The following GUCY1A1 variants were observed in gnomAD, a reference collection of about 807,000 sequenced individuals.
GUCY1A1 encodes the protein guanylate cyclase 1 soluble subunit alpha 1.
GUCY1A1 carries 48 observed loss-of-function variants against 64.5 expected under a neutral mutation model. The ratio of observed to expected loss-of-function variants is 0.74; its 90% CI spans 0.59 to 0.95. The LOEUF is 0.95. Among genes scored for constraint, GUCY1A1 ranks in the 40% least tolerant of loss-of-function variants. GUCY1A1 has a pLI of 0.00. For synonymous variants in GUCY1A1, 308 were observed against 303.4 expected (o/e 1.02, Z -0.16); for missense variants, 804 against 825.3 (o/e 0.97, Z 0.32).
chr4:155,698,591 A>G (rs1243532151), intron 3 of GUCY1A1, among the ~76,000 whole-genome samples: 1 of 152,156 alleles, frequency 6.6e-6, no homozygotes, highest in Non-Finnish European at 1.5e-5. Flanking sequence ...AATTTCTGCA[A>G]TGGAAGTCAT....
chr4:155,725,130 T>C (rs1734488998), intron 9 of GUCY1A1, among the ~76,000 whole-genome samples: 1 of 152,124 alleles, frequency 6.6e-6, no homozygotes, highest in Non-Finnish European at 1.5e-5. Context: ...GAAATTGTCT[T>C]ATGCAGTATT....
In GUCY1A1 at chr4:155,733,489, G is replaced by C. The variant is rs1034560847; in HGVS notation, c.*3258G>C. ...GGGTATGTGTGTCATGTAAAGGTGT[G>C]CCATGATAGTTATTCATATTGCTAT... On this transcript the variant is annotated 3_prime_UTR_variant, in exon 10 of 10. Coordinates refer to ENST00000506455, the MANE Select transcript of GUCY1A1 (RefSeq NM_001130682.3). Among the ~76,000 whole-genome samples the C allele has an allele frequency of 6.6e-6, 1 of 151,676 alleles. No individual in the cohort carries two copies. The highest frequency in any genetic ancestry group is 2.0e-4 in the East Asian group (1 of 5,124).
In GUCY1A1 at chr4:155,711,188, G is replaced by A. The variant is rs756740542; in HGVS notation, c.1023G>A (p.Met341Ile). 2.7e-5 allele frequency: 43 copies of A among 1,613,600 alleles called. No individual in the cohort carries two copies. Among genetic ancestry groups the A allele is most frequent in the Admixed American group, 3.3e-5 (2 of 60,000 alleles). ...AGACGTTTAGCGGGATCATGACTAT[G>A]TTGAATATGCAGTTTGTTGTACGAG... is the stretch of plus-strand genomic sequence containing the variant. ...INQTFSGIMT[M>I]LNMQFVVRVR... The change falls in exon 6 of 10, where the codon ATG (methionine) becomes ATA (isoleucine). Residue 341 changes from methionine to isoleucine, a missense_variant. Coordinates refer to ENST00000506455, the MANE Select transcript of GUCY1A1 (RefSeq NM_001130682.3).
chr4:155,716,727 A>C (rs1197024416), intron 7 of GUCY1A1, among the ~76,000 whole-genome samples: 1 of 152,178 alleles, frequency 6.6e-6, no homozygotes, highest in African/African-American at 2.4e-5. Context: ...TGTGACATTT[A>C]TTGAGTAGTG....
intron 2 of GUCY1A1, among the ~76,000 whole-genome samples, chr4:155,680,124 A>G (rs1735525012): frequency 6.6e-6 from 1 of 152,222 alleles, no homozygotes; most frequent in Non-Finnish European, 1.5e-5. Flanking sequence ...CATTGAATCT[A>G]TAAACCAGTT....
chr4:155,718,666 G>A (rs894528242), intron 8 of GUCY1A1, among the ~76,000 whole-genome samples: 38 of 152,096 alleles, frequency 2.5e-4, no homozygotes, highest in African/African-American at 8.9e-4. Flanking sequence ...GGTTCAGCTG[G>A]GATTGTTAGC....
At chr4:155,707,863 T>G (rs1451437430) in intron 4 of GUCY1A1, among the ~76,000 whole-genome samples, 7 of 150,782 alleles carry the variant, frequency 4.6e-5, no homozygotes. Flanking sequence ...ACAGTTTCCC[T>G]GTGTTGGCCA....
rs1344684766 is a variant in GUCY1A1, at chr4:155,730,364, C to T, written c.*133C>T. ...TTTCAGGAGCCAAGTCACAATCTTT[C>T]TCCTGTTTAACATGACAAAATGTAT... On this transcript the variant is annotated 3_prime_UTR_variant, in exon 10 of 10. Coordinates refer to ENST00000506455, the MANE Select transcript of GUCY1A1 (RefSeq NM_001130682.3). 1.8e-6 allele frequency: 1 copy of T among 550,454 alleles called. No homozygotes were observed. Among genetic ancestry groups the T allele is most frequent in the Non-Finnish European group, 3.2e-6 (1 of 315,474 alleles). The allele number at this position is 550,454 out of a possible 1,614,324, so 34.1% of individuals were successfully genotyped here.
chr4:155,687,999 G>T (rs570885140), intron 2 of GUCY1A1, among the ~76,000 whole-genome samples: 1 of 151,928 alleles, frequency 6.6e-6, no homozygotes, highest in East Asian at 1.9e-4. Context: ...CGAAGTGGGC[G>T]GATCATGAGG....
chr4:155,713,197 C>T lies in GUCY1A1; in HGVS notation c.1186C>T (p.Arg396Ter), dbSNP rs779463762. The T allele has an allele frequency of 6.2e-6, 10 of 1,613,862 alleles. No homozygotes were observed. Among genetic ancestry groups the T allele is most frequent in the Admixed American group, 3.3e-5 (2 of 60,002 alleles). Residue 396 changes from arginine to a stop codon, truncating the protein, a stop_gained, in exon 7 of 10, where the codon CGA becomes TGA. Transcript: ENST00000506455. LOFTEE classifies it high-confidence loss of function. ...GGACAGATTAGAAGATTTTACAGGA[C>T]GAGGGCTCTACCTCTCAGACATCCC... ...CVDRLEDFTG[R>*]GLYLSDIPIH...
intron 5 of GUCY1A1, among the ~76,000 whole-genome samples, chr4:155,709,331 A>G (rs1199336628): frequency 6.6e-6 from 1 of 150,508 alleles, no homozygotes; most frequent in African/African-American, 2.4e-5. Context: ...CACCATACCC[A>G]CCCTCCTTTG....
intron 2 of GUCY1A1, among the ~76,000 whole-genome samples, chr4:155,672,102 G>T (rs138847158): frequency 1.3e-5 from 2 of 150,518 alleles, no homozygotes; most frequent in African/African-American, 4.9e-5. Context: ...TTTCCCCATC[G>T]AATTTTATGT....
rs1735477839 is a variant in GUCY1A1, at chr4:155,730,965, T to G, written c.*734T>G. ...CAATGGTAAAAGCTATTTTAATCCA[T>G]GTTAGCAATTTAATTCCTATTAATT... is the stretch of plus-strand genomic sequence containing the variant. On this transcript the variant is annotated 3_prime_UTR_variant, in exon 10 of 10. Coordinates refer to ENST00000506455, the MANE Select transcript of GUCY1A1 (RefSeq NM_001130682.3). The G allele has an allele frequency of 6.5e-6, 1 of 153,434 alleles. No homozygotes were observed. Among genetic ancestry groups the G allele is most frequent in the Admixed American group, 6.6e-5 (1 of 15,190 alleles). The allele number at this position is 153,434 out of a possible 1,614,324, so 9.5% of individuals were successfully genotyped here.
chr4:155,715,874 T>G (rs1008180961), intron 7 of GUCY1A1, among the ~76,000 whole-genome samples: 19 of 152,138 alleles, frequency 1.2e-4, no homozygotes, highest in Non-Finnish European at 1.6e-4. Context: ...AAATTTATAG[T>G]ATTTAAGTCA....
At position 155,694,173 on chromosome 4, in the gene GUCY1A1, G is replaced by A. The variant is rs983946975; in HGVS notation, c.-112-2583G>A. 7.2e-5 allele frequency among the ~76,000 whole-genome samples: 11 copies of A among 152,192 alleles called. No homozygotes were observed. In the South Asian group the frequency reaches 1.5e-3, roughly 20 times the overall value. ...TTTCCCTGAAAATTAATACAAAATA[G>A]TGGTACTATTATTTGTATAAATAGT... On this transcript the variant is annotated intron_variant, in intron 2 of 9. Transcript: ENST00000506455.
chr4:155,689,726 A>C (rs904589714), intron 2 of GUCY1A1, among the ~76,000 whole-genome samples: 28 of 152,344 alleles, frequency 1.8e-4, no homozygotes, highest in African/African-American at 6.7e-4. Flanking sequence ...GATTTAATGC[A>C]GCTTATTAAA....
At position 155,708,283 on chromosome 4, in the gene GUCY1A1, C is replaced by A. The variant is rs896812919; in HGVS notation, c.365C>A (p.Ala122Glu). 3 of 1,533,654 alleles carry A rather than the reference C, an allele frequency of 2.0e-6. No individual in the cohort carries two copies. Among genetic ancestry groups the A allele is most frequent in the Non-Finnish European group, 2.7e-6 (3 of 1,107,844 alleles). ...TTTGAAAAAACAATTGCAGAGCAAG[C>A]AGTTGCAGCAGGTAATAGAATTGTT... ...EDFEKTIAEQ[A>E]VAAGVPVEVI... is the part of the protein sequence containing the mutation. Residue 122 changes from alanine to glutamate, a missense_variant, in exon 5 of 10, where the codon GCA (alanine) becomes GAA (glutamate). Physicochemically the swap from Ala to Glu is moderately radical, Grantham distance 107. Coordinates refer to ENST00000506455, the MANE Select transcript of GUCY1A1 (RefSeq NM_001130682.3).
rs1732830167 is a variant in GUCY1A1, at chr4:155,713,341, G to T, written c.1330G>T (p.Glu444Ter). The change falls in exon 7 of 10, where the codon GAG (glutamate) becomes TAG (stop). Residue 444 changes from glutamate (E) to a stop codon, truncating the protein, a stop_gained. Coordinates refer to ENST00000506455, the MANE Select transcript of GUCY1A1 (RefSeq NM_001130682.3). LOFTEE classifies it high-confidence loss of function. ...ATLEQAHQALEEEKKKTVDLL... is the reference protein window; with the variant it reads ...ATLEQAHQAL ...CCTTGAGCAAGCCCACCAAGCCCTG[G>T]AGGAGGAGAAGAAAAAGACAGTAGA... is the stretch of plus-strand genomic sequence containing the variant. 6.2e-7 allele frequency: 1 copy of T among 1,614,186 alleles called. No individual in the cohort carries two copies. Among genetic ancestry groups the T allele is most frequent in the Non-Finnish European group, 8.5e-7 (1 of 1,180,026 alleles).
intron 2 of GUCY1A1, among the ~76,000 whole-genome samples, chr4:155,690,041 G>T (rs1380264101): frequency 1.3e-5 from 2 of 152,180 alleles, no homozygotes; most frequent in Non-Finnish European, 1.5e-5. Flanking sequence ...TGAACAAGGA[G>T]AAATTGCTTC....
Sources: allele counts gnomAD v4.1 joint callset (sites outside exome capture counted in the v4.1 genomes callset), GRCh38; gene constraint gnomAD v4.1.1; transcripts MANE v1.5; gene names NCBI Gene and HGNC (gene_info 2026-07-23, HGNC 2026-07-21).